PRKG1: variants seen among roughly 807,000 people sequenced by gnomAD.
PRKG1 encodes the protein cGMP-dependent protein kinase 1.
In PRKG1, 35 loss-of-function variants were observed where a neutral mutation model predicts 88.1. That is an observed-to-expected ratio of 0.40 (90% CI 0.30 to 0.53). PRKG1 has a LOEUF of 0.53. Ranked by LOEUF, PRKG1 falls within the 20% of genes least tolerant of loss-of-function variation. The pLI, the probability that PRKG1 is intolerant of heterozygous loss-of-function variation, is 0.59. For synonymous variants in PRKG1, 303 were observed against 292.5 expected, an observed-to-expected ratio of 1.04 and a Z score of -0.37; for missense variants, 540 against 839.8, an observed-to-expected ratio of 0.64 and a Z score of 4.41.
At chr10:51,913,121 G>T (rs951400178) in intron 5 of PRKG1, among the ~76,000 whole-genome samples, 5 of 152,104 alleles carry the variant, frequency 3.3e-5, no homozygotes, top group African/African-American at 1.2e-4. Flanking sequence ...TAGAGACAGG[G>T]TTTTGCCATA....
intron 3 of PRKG1, among the ~76,000 whole-genome samples, chr10:51,485,709 G>A (rs1349359015): frequency 2.0e-5 from 3 of 152,050 alleles, no homozygotes; most frequent in Admixed American, 6.6e-5. Flanking sequence ...TTTTTTGTAC[G>A]TCATATAAGC....
At position 52,296,481 on chromosome 10, in the gene PRKG1, T is replaced by C. The variant is rs1842386097; in HGVS notation, c.*2581T>C. On this transcript the variant is annotated 3_prime_UTR_variant, in exon 18 of 18. Coordinates refer to ENST00000373980, the MANE Select transcript of PRKG1 (RefSeq NM_006258.4). ...TTTTGTCAACATTGAATTTTTAGGA[T>C]TTAAATCTTGTCTTAATGAAGACTC... 1 of 152,076 alleles carries C rather than the reference T, an allele frequency of 6.6e-6. No individual in the cohort carries two copies. Among genetic ancestry groups the C allele is most frequent in the African/African-American group, 2.4e-5 (1 of 41,446 alleles). The allele number at this position is 152,076 out of a possible 1,614,324, so 9.4% of individuals were successfully genotyped here.
intron 2 of PRKG1, among the ~76,000 whole-genome samples, chr10:51,336,230 G>A (rs1467800151): frequency 6.6e-6 from 1 of 152,058 alleles, no homozygotes; most frequent in Non-Finnish European, 1.5e-5. Flanking sequence ...GTATGCACCT[G>A]TAATCCCAGC....
At chr10:51,810,120 T>C (rs1452749492) in intron 4 of PRKG1, among the ~76,000 whole-genome samples, 1 of 152,192 alleles carries the variant, frequency 6.6e-6, no homozygotes, top group Non-Finnish European at 1.5e-5. Flanking sequence ...ATGTCTGATT[T>C]CCCTTCCTTG....
At chr10:51,310,324 A>G (rs1841151002) in intron 2 of PRKG1, among the ~76,000 whole-genome samples, 1 of 152,240 alleles carries the variant, frequency 6.6e-6, no homozygotes, top group Admixed American at 6.5e-5. Flanking sequence ...TGAGCAAAGG[A>G]AATTCAATAC....
chr10:52,065,158 A>C (rs868599520), intron 7 of PRKG1, among the ~76,000 whole-genome samples: 14 of 152,178 alleles, frequency 9.2e-5, no homozygotes, highest in Non-Finnish European at 1.0e-4. Context: ...GCATGATAAA[A>C]ATATTTGGGT....
At chr10:51,461,900 A>AC (rs943695415) in intron 2 of PRKG1, among the ~76,000 whole-genome samples, 1 of 152,008 alleles carries the variant, frequency 6.6e-6, no homozygotes, top group Non-Finnish European at 1.5e-5. Context: ...GGGTGACAGC[A>AC]CCCCCCATCT....
chr10:51,875,198 A>G (rs1236042498), intron 4 of PRKG1, among the ~76,000 whole-genome samples: 1 of 152,140 alleles, frequency 6.6e-6, no homozygotes, highest in Non-Finnish European at 1.5e-5. Context: ...TGAATTAGGT[A>G]AGTGTTGAAT....
chr10:51,093,682 A>G (rs557226317), intron 1 of PRKG1, among the ~76,000 whole-genome samples: 1 of 147,376 alleles, frequency 6.8e-6, no homozygotes, highest in East Asian at 2.0e-4. Context: ...GTATGTGTGT[A>G]TATATATATT....
intron 3 of PRKG1, among the ~76,000 whole-genome samples, chr10:51,642,478 ATTCAAGACATCAGCTTTCCAT>A (rs1372194411): frequency 6.6e-6 from 1 of 152,224 alleles, no homozygotes; most frequent in African/African-American, 2.4e-5. Flanking sequence ...TGAACCTGCT[ATTCAAGACATCAGCTTTCCAT>A]TTTTTGGGCA....
intron 5 of PRKG1, among the ~76,000 whole-genome samples, chr10:51,969,363 C>A (rs1171568161): frequency 2.6e-5 from 4 of 152,096 alleles, no homozygotes; most frequent in Non-Finnish European, 5.9e-5. Context: ...GTGAGATTCA[C>A]ACAAAACCCA....
intron 1 of PRKG1, among the ~76,000 whole-genome samples, chr10:51,049,000 A>G (rs576134410): frequency 6.6e-6 from 1 of 152,194 alleles, no homozygotes; most frequent in East Asian, 1.9e-4. Flanking sequence ...TCACCTGCCC[A>G]TTGTGGGTTT....
At chr10:51,921,747 C>A (rs1282597777) in intron 5 of PRKG1, among the ~76,000 whole-genome samples, 1 of 151,968 alleles carries the variant, frequency 6.6e-6, no homozygotes, top group Non-Finnish European at 1.5e-5. Context: ...AAGACTTGCA[C>A]ACTTGGAATA....
intron 3 of PRKG1, among the ~76,000 whole-genome samples, chr10:51,658,441 T>A (rs1840215729): frequency 6.6e-6 from 1 of 152,030 alleles, no homozygotes; most frequent in African/African-American, 2.4e-5. Context: ...ATGACAAATG[T>A]CCCTTCCAGA....
chr10:52,064,998 G>A (rs1374565268), intron 7 of PRKG1, among the ~76,000 whole-genome samples: 3 of 152,180 alleles, frequency 2.0e-5, no homozygotes, highest in Non-Finnish European at 4.4e-5. Context: ...TATGGGATAG[G>A]CTGTGAAGGC....
intron 3 of PRKG1, among the ~76,000 whole-genome samples, chr10:51,486,553 T>C (rs1840545470): frequency 6.6e-6 from 1 of 152,184 alleles, no homozygotes; most frequent in Non-Finnish European, 1.5e-5. Flanking sequence ...CCATTCTTTC[T>C]GGCTTTTGAA....
intron 7 of PRKG1, among the ~76,000 whole-genome samples, chr10:52,119,791 T>C (rs562520971): frequency 6.6e-6 from 1 of 152,268 alleles, no homozygotes; most frequent in South Asian, 2.1e-4. Flanking sequence ...TTTTTACAGT[T>C]GGAAGTTGAA....
At chr10:51,181,266 G>A (rs906033687) in intron 2 of PRKG1, among the ~76,000 whole-genome samples, 2 of 108,368 alleles carry the variant, frequency 1.8e-5, no homozygotes, top group Admixed American at 1.4e-4. Context: ...ACGGAGTCTC[G>A]CTCTGTCGCC....
In PRKG1 at chr10:51,926,737, C is replaced by A. The variant is rs1234918997; in HGVS notation, c.762+19167C>A. Reference sequence around the variant, plus strand: ...TACGGCTTATTTTCTCTGAAAATTTCTTGCCTAGCATAGTTTTTTTTTTTT... The same window carrying A: ...TACGGCTTATTTTCTCTGAAAATTTATTGCCTAGCATAGTTTTTTTTTTTT... On this transcript the variant is annotated intron_variant, in intron 5 of 17. Transcript: ENST00000373980. 2.8e-5 allele frequency among the ~76,000 whole-genome samples: 4 copies of A among 145,358 alleles called. No homozygotes were observed. The East Asian group carries it at 8.1e-4, about 29-fold the overall frequency.
Sources: allele counts gnomAD v4.1 joint callset (sites outside exome capture counted in the v4.1 genomes callset), GRCh38; gene constraint gnomAD v4.1.1; transcripts MANE v1.5; gene names NCBI Gene and HGNC (gene_info 2026-07-23, HGNC 2026-07-21).